Variants in SETBP1 observed in about 807,000 individuals in gnomAD.
SETBP1 encodes the protein SET-binding protein.
Under a neutral mutation model 101.0 loss-of-function variants are expected in SETBP1, and 9 were observed. The observed-to-expected ratio is 0.09, with a 90% confidence interval of 0.05 to 0.16. SETBP1 has a LOEUF of 0.16. Among genes scored for constraint, SETBP1 ranks in the 10% least tolerant of loss-of-function variants. The pLI, the probability that SETBP1 is intolerant of heterozygous loss-of-function variation, is 1.00. For missense variants in SETBP1, 1,858 were observed against 2,033.8 expected (o/e 0.91, Z 1.66); for synonymous variants, 818 against 788.5 (o/e 1.04, Z -0.63).
chr18:44,984,176 G>C (rs2072177624), intron 4 of SETBP1, among the ~76,000 whole-genome samples: 1 of 148,102 alleles, frequency 6.8e-6, no homozygotes, highest in Non-Finnish European at 1.5e-5. Flanking sequence ...CTGGGAGACA[G>C]AGCAAGACTC....
intron 5 of SETBP1, among the ~76,000 whole-genome samples, chr18:45,054,466 G>A (rs1231891995): frequency 1.4e-4 from 21 of 152,138 alleles, no homozygotes; most frequent in Admixed American, 3.3e-4. Flanking sequence ...GATTACAGGC[G>A]TGAGCCACCG....
chr18:44,861,139 C>CCTCACAA (rs1317986991), intron 2 of SETBP1, among the ~76,000 whole-genome samples: 2 of 152,092 alleles, frequency 1.3e-5, no homozygotes, highest in Non-Finnish European at 2.9e-5. Flanking sequence ...CTCTCACTCA[C>CCTCACAA]CTCACAATCC....
intron 2 of SETBP1, among the ~76,000 whole-genome samples, chr18:44,761,995 C>A (rs2144592028): frequency 6.6e-6 from 1 of 152,216 alleles, no homozygotes; most frequent in African/African-American, 2.4e-5. Flanking sequence ...ATTGTTGTAC[C>A]CTGGCTGACC....
chr18:45,051,523 A>G (rs1258580557), intron 5 of SETBP1, among the ~76,000 whole-genome samples: 1 of 152,024 alleles, frequency 6.6e-6, no homozygotes, highest in Non-Finnish European at 1.5e-5. Flanking sequence ...TATATGGGAA[A>G]CCTCTGTCTC....
chr18:45,058,809 C>T (rs540446654), intron 5 of SETBP1, among the ~76,000 whole-genome samples: 14 of 152,288 alleles, frequency 9.2e-5, no homozygotes, highest in South Asian at 4.1e-4. Context: ...TGGAGATTGG[C>T]TCATGGCATA....
At chr18:44,837,321 C>G (rs1413665805) in intron 2 of SETBP1, among the ~76,000 whole-genome samples, 1 of 152,192 alleles carries the variant, frequency 6.6e-6, no homozygotes, top group Non-Finnish European at 1.5e-5. Context: ...GTCCCTGTAT[C>G]AACACTCAAT....
rs2144197963 is a variant in SETBP1, at chr18:44,701,623, A to G, written c.277A>G (p.Ile93Val). 1.2e-6 allele frequency: 2 copies of G among 1,614,196 alleles called. No individual in the cohort carries two copies. The highest frequency in any genetic ancestry group is 8.5e-7 in the Non-Finnish European group (1 of 1,180,030). ...GDGLEEQEFS[I>V]KEANFTEGSL... The stretch of plus-strand genomic sequence containing the variant: ...TGGTTTGGAAGAGCAGGAATTTTCT[A>G]TCAAGGAGGCAAACTTCACAGAGGG... Residue 93 changes from isoleucine (I) to valine (V), a missense_variant, in exon 2 of 6, where the codon ATC becomes GTC. By Grantham distance (29) the Ile-to-Val change is conservative. Coordinates refer to ENST00000649279, the MANE Select transcript of SETBP1 (RefSeq NM_015559.3).
intron 3 of SETBP1, among the ~76,000 whole-genome samples, chr18:44,899,488 T>G (rs2069987161): frequency 6.6e-6 from 1 of 152,180 alleles, no homozygotes; most frequent in South Asian, 2.1e-4. Flanking sequence ...TGGTCAGCCA[T>G]GTAGGAGAGA....
chr18:45,023,613 C>T (rs1000391914), intron 4 of SETBP1, among the ~76,000 whole-genome samples: 3 of 152,150 alleles, frequency 2.0e-5, no homozygotes, highest in African/African-American at 7.2e-5. Flanking sequence ...GGGGTTCCAG[C>T]GTTCAGAGAG....
At chr18:44,847,754 T>C (rs549951344) in intron 2 of SETBP1, among the ~76,000 whole-genome samples, 2 of 152,102 alleles carry the variant, frequency 1.3e-5, no homozygotes, top group East Asian at 1.9e-4. Context: ...AAATATAGAA[T>C]AAAATGCCAG....
intron 2 of SETBP1, among the ~76,000 whole-genome samples, chr18:44,764,960 A>C (rs927705725): frequency 5.9e-5 from 9 of 152,188 alleles, no homozygotes; most frequent in African/African-American, 2.2e-4. Context: ...GTGCATGTTC[A>C]ACAAATATTT....
intron 3 of SETBP1, among the ~76,000 whole-genome samples, chr18:44,909,686 G>T (rs1426326908): frequency 6.6e-6 from 1 of 152,178 alleles, no homozygotes; most frequent in Non-Finnish European, 1.5e-5. Context: ...ACCTTCATAT[G>T]AAGTCAGCAC....
At chr18:44,691,835 C>G (rs1184176291) in intron 1 of SETBP1, among the ~76,000 whole-genome samples, 3 of 152,094 alleles carry the variant, frequency 2.0e-5, no homozygotes, top group African/African-American at 7.2e-5. Context: ...CTGGAAGGGG[C>G]CACAGGGTTG....
At chr18:44,760,618 C>A (rs1312424911) in intron 2 of SETBP1, among the ~76,000 whole-genome samples, 1 of 152,186 alleles carries the variant, frequency 6.6e-6, no homozygotes, top group East Asian at 1.9e-4. Context: ...CTAGCCCCTG[C>A]CAATCCAAAC....
intron 2 of SETBP1, among the ~76,000 whole-genome samples, chr18:44,818,373 C>A (rs904849096): frequency 1.3e-5 from 2 of 152,152 alleles, no homozygotes; most frequent in Admixed American, 1.3e-4. Flanking sequence ...GGAAGTGAGG[C>A]CCAGCCGGGC....
chr18:44,970,462 T>C (rs1298513435), intron 4 of SETBP1, among the ~76,000 whole-genome samples: 3 of 152,356 alleles, frequency 2.0e-5, no homozygotes, highest in African/African-American at 2.4e-5. Context: ...TGAACACCTA[T>C]AGTATACCAA....
rs1197556955 is a variant in SETBP1 at position 44,734,441 on chromosome 18, A to G, written c.486+32609A>G. On this transcript the variant is annotated intron_variant, in intron 2 of 5. Coordinates refer to ENST00000649279, the MANE Select transcript of SETBP1 (RefSeq NM_015559.3). ...CCCTTGTTAATACCATTGTTCTTGC[A>G]AGACATAAAAAGAAAGTGAAAAAAT... Among the ~76,000 whole-genome samples, 3 of 152,168 alleles carry G rather than the reference A, an allele frequency of 2.0e-5. No individual in the cohort carries two copies. The East Asian group carries it at 5.8e-4, about 29-fold the overall frequency.
intron 5 of SETBP1, among the ~76,000 whole-genome samples, chr18:45,040,649 G>T (rs7228417): frequency 0.13 from 19,414 of 152,176 alleles, 1,883 homozygotes; most frequent in African/African-American, 0.27. Context: ...AGAACTTATT[G>T]TTGGGATCAC....
intron 4 of SETBP1, among the ~76,000 whole-genome samples, chr18:44,964,351 G>A (rs985189044): frequency 6.6e-6 from 1 of 152,108 alleles, no homozygotes; most frequent in Non-Finnish European, 1.5e-5. Context: ...ACCAGCCTGG[G>A]CAACAGGAGT....
Sources: gnomAD v4.1 joint callset for allele counts (sites outside exome capture counted in the v4.1 genomes callset) on GRCh38, gnomAD v4.1.1 for gene constraint, MANE v1.5 for transcripts, NCBI Gene and HGNC (gene_info 2026-07-23, HGNC 2026-07-21) for gene names.